Variants in ITPR1 observed in about 807,000 individuals in gnomAD.
The protein encoded by ITPR1 is inositol 1,4,5-trisphosphate receptor type 1.
A neutral mutation model predicts 318.4 loss-of-function variants in ITPR1; 96 were observed. That is an observed-to-expected ratio of 0.30 (90% confidence interval 0.26 to 0.36). ITPR1 has a LOEUF of 0.36. ITPR1 is among the 10% of genes least tolerant of loss of function. The pLI is 1.00. For synonymous variants in ITPR1, 1,312 were observed against 1,289.9 expected (o/e 1.02, Z -0.37); for missense variants, 2,440 against 3,460.2 (o/e 0.71, Z 7.40).
chr3:4,807,289 G>A (rs532087687), intron 55 of ITPR1, among the ~76,000 whole-genome samples: 6 of 152,250 alleles, frequency 3.9e-5, no homozygotes, highest in South Asian at 4.2e-4. Flanking sequence ...ATCCTATTGC[G>A]TTTTCTTAAA....
At chr3:4,495,116 C>A (rs771947554) in intron 2 of ITPR1, among the ~76,000 whole-genome samples, 114 of 152,278 alleles carry the variant, frequency 7.5e-4, no homozygotes, top group Non-Finnish European at 1.1e-3. Flanking sequence ...GAGCTGAGAG[C>A]AGCATTTATC....
chr3:4,761,477 T>A (rs187956433), intron 44 of ITPR1, among the ~76,000 whole-genome samples: 2 of 152,324 alleles, frequency 1.3e-5, no homozygotes, highest in Admixed American at 1.3e-4. Context: ...TTCCATGTTT[T>A]ATATGTACCA....
chr3:4,570,887 G>T (rs1202420221), intron 4 of ITPR1, among the ~76,000 whole-genome samples: 1 of 152,200 alleles, frequency 6.6e-6, no homozygotes, highest in Non-Finnish European at 1.5e-5. Flanking sequence ...GACACAACAA[G>T]AAGTGCTTTT....
chr3:4,791,558 C>T (rs546820988), intron 52 of ITPR1, among the ~76,000 whole-genome samples: 2 of 152,334 alleles, frequency 1.3e-5, no homozygotes, highest in Admixed American at 6.5e-5. Flanking sequence ...CTGCCCAGTT[C>T]ATAACAGGCT....
intron 44 of ITPR1, among the ~76,000 whole-genome samples, chr3:4,755,879 A>G (rs1451570409): frequency 6.6e-6 from 1 of 152,198 alleles, no homozygotes; most frequent in Admixed American, 6.5e-5. Context: ...CACCTCTCCA[A>G]TACAGACTTG....
At chr3:4,682,958 G>C (rs1056439077) in intron 26 of ITPR1, among the ~76,000 whole-genome samples, 2 of 152,168 alleles carry the variant, frequency 1.3e-5, no homozygotes, top group Non-Finnish European at 2.9e-5. Context: ...GTATGCTAAG[G>C]CAGGAGGATC....
intron 4 of ITPR1, among the ~76,000 whole-genome samples, chr3:4,555,340 C>T (rs1164530138): frequency 6.6e-6 from 1 of 152,060 alleles, no homozygotes; most frequent in African/African-American, 2.4e-5. Flanking sequence ...CAGAGGCAAG[C>T]GATTGCTTTT....
chr3:4,678,668 G>A (rs1356790248), intron 24 of ITPR1, among the ~76,000 whole-genome samples: 3 of 152,194 alleles, frequency 2.0e-5, no homozygotes, highest in Non-Finnish European at 4.4e-5. Context: ...GGGGTCATGT[G>A]ACTCCACATG....
intron 11 of ITPR1, among the ~76,000 whole-genome samples, chr3:4,652,767 C>T (rs2093624427): frequency 6.6e-6 from 1 of 152,146 alleles, no homozygotes; most frequent in South Asian, 2.1e-4. Context: ...CACCTATAAT[C>T]CCAGCACTTT....
At chr3:4,557,562 G>T (rs1378805947) in intron 4 of ITPR1, among the ~76,000 whole-genome samples, 2 of 152,220 alleles carry the variant, frequency 1.3e-5, no homozygotes, top group East Asian at 1.9e-4. Context: ...GTTCAGCTGG[G>T]CCTGCTTTTG....
At position 4,815,227 on chromosome 3, in the gene ITPR1, C is replaced by G; in HGVS notation, c.7867+9C>G. The G allele has an allele frequency of 6.2e-7, 1 of 1,613,230 alleles. No individual in the cohort carries two copies. Among genetic ancestry groups the G allele is most frequent in the Non-Finnish European group, 8.5e-7 (1 of 1,179,440 alleles). On this transcript the variant is annotated intron_variant, in intron 59 of 61. Coordinates refer to ENST00000649015, the MANE Select transcript of ITPR1 (RefSeq NM_001378452.1). ...CACGTGCTTTATCTGTGGTGAGTGT[C>G]GCTGGCCAGCTCCAGCAAGGGCGTG... is the stretch of plus-strand genomic sequence containing the variant.
chr3:4,584,848 A>G (rs1054697919), intron 4 of ITPR1, among the ~76,000 whole-genome samples: 3 of 152,160 alleles, frequency 2.0e-5, no homozygotes, highest in African/African-American at 4.8e-5. Flanking sequence ...TGTCCCCATC[A>G]TAGGAGATGA....
chr3:4,551,394 T>G (rs1342520261), intron 4 of ITPR1, among the ~76,000 whole-genome samples: 1 of 152,244 alleles, frequency 6.6e-6, no homozygotes, highest in Non-Finnish European at 1.5e-5. Context: ...TTCAGAAATG[T>G]GTCCTTATGA....
intron 16 of ITPR1, among the ~76,000 whole-genome samples, chr3:4,663,687 GTTC>G (rs994578484): frequency 6.6e-6 from 1 of 152,110 alleles, no homozygotes; most frequent in Non-Finnish European, 1.5e-5. Context: ...TTACATTAGG[GTTC>G]TCTCTTGGCA....
chr3:4,516,070 T>G (rs2082149210), intron 2 of ITPR1, among the ~76,000 whole-genome samples: 1 of 152,232 alleles, frequency 6.6e-6, no homozygotes, highest in Admixed American at 6.5e-5. Flanking sequence ...TGACTTAACA[T>G]TCCCTGAAGC....
intron 24 of ITPR1, among the ~76,000 whole-genome samples, chr3:4,680,142 A>G (rs2094268303): frequency 6.6e-6 from 1 of 152,214 alleles, no homozygotes. Context: ...TTCCATAGTA[A>G]AAAACAAATT....
At chr3:4,661,124 G>C in intron 14 of ITPR1, 37 bp downstream of exon 14, 1 of 1,243,734 alleles carries the variant, frequency 8.0e-7, no homozygotes, top group East Asian at 2.3e-5. Context: ...TTTTGGTCTC[G>C]TGTTTCCTAA....
intron 59 of ITPR1, among the ~76,000 whole-genome samples, chr3:4,815,894 G>T (rs1404365781): frequency 6.6e-6 from 1 of 151,900 alleles, no homozygotes; most frequent in Non-Finnish European, 1.5e-5. Context: ...CATAATTTCA[G>T]AGTTATAGAA....
intron 44 of ITPR1, 79 bp downstream of exon 44, chr3:4,735,433 G>T: frequency 8.1e-7 from 1 of 1,236,916 alleles, no homozygotes; most frequent in South Asian, 1.2e-5. Flanking sequence ...AGATGTCTGG[G>T]TGGTACCAAG....
Sources: gnomAD v4.1 joint callset for allele counts (sites outside exome capture counted in the v4.1 genomes callset) on GRCh38, gnomAD v4.1.1 for gene constraint, MANE v1.5 for transcripts, NCBI Gene and HGNC (gene_info 2026-07-23, HGNC 2026-07-21) for gene names.